The following SRGAP2 variants were observed in gnomAD, a reference collection of about 807,000 sequenced individuals.
SRGAP2 encodes SLIT-ROBO Rho GTPase activating protein 2.
Under a neutral mutation model 57.2 loss-of-function variants are expected in SRGAP2, and 15 were observed. That is an observed-to-expected ratio of 0.26 (90% CI 0.18 to 0.40). The LOEUF (loss-of-function observed/expected upper bound fraction) is 0.40. Ranked by LOEUF, SRGAP2 falls within the 10% of genes least tolerant of loss-of-function variation. SRGAP2 has a pLI of 1.00. For synonymous variants in SRGAP2, 249 were observed against 248.0 expected, an observed-to-expected ratio of 1.00 and a Z score of -0.04; for missense variants, 520 against 669.6, an observed-to-expected ratio of 0.78 and a Z score of 2.47.
intron 5 of SRGAP2, among the ~76,000 whole-genome samples, chr1:206,387,125 C>CAAAAAAAAAA (rs782327960): frequency 1.2e-5 from 1 of 83,544 alleles, no homozygotes; most frequent in Non-Finnish European, 2.4e-5. Context: ...GACTCTGTCT[C>CAAAAAAAAAA]AAAAAAAAAA....
chr1:206,334,684 T>C (rs1444602517), intron 3 of SRGAP2, among the ~76,000 whole-genome samples: 2 of 152,200 alleles, frequency 1.3e-5, no homozygotes. Context: ...AGGGGGTGGT[T>C]ACTGCTTTGA....
chr1:206,305,216 A>G (rs1219425626), intron 3 of SRGAP2, among the ~76,000 whole-genome samples: 3 of 130,488 alleles, frequency 2.3e-5, no homozygotes, highest in African/African-American at 1.0e-4. Context: ...CATTTGGGAA[A>G]TGCTGTTCCA....
At chr1:206,340,234 T>C (rs797025067) in intron 3 of SRGAP2, among the ~76,000 whole-genome samples, 35 of 133,728 alleles carry the variant, frequency 2.6e-4, no homozygotes, top group South Asian at 5.0e-4. Context: ...TGCATCCTTT[T>C]CCATGGTGTT....
chr1:206,242,397 G>GT (rs1432796496), intron 2 of SRGAP2, among the ~76,000 whole-genome samples: 1 of 150,420 alleles, frequency 6.6e-6, no homozygotes, highest in Non-Finnish European at 1.5e-5. Flanking sequence ...ATAAAGTGTA[G>GT]TCTCCCCCCG....
At chr1:206,268,001 GT>G (rs1381464151) in intron 2 of SRGAP2, among the ~76,000 whole-genome samples, 4 of 147,572 alleles carry the variant, frequency 2.7e-5, no homozygotes, top group Non-Finnish European at 4.5e-5. Flanking sequence ...TAAAATGAAG[GT>G]GACAAGTTCT....
chr1:206,372,989 CTTTCTTT>C (rs1654801663), intron 4 of SRGAP2, among the ~76,000 whole-genome samples: 2 of 91,364 alleles, frequency 2.2e-5, no homozygotes, highest in African/African-American at 9.1e-5. Flanking sequence ...TTCTTTCTTT[CTTTCTTT>C]CTTTCTTTCT....
At chr1:206,418,400 C>T (rs1042536187) in intron 11 of SRGAP2, among the ~76,000 whole-genome samples, 5 of 152,180 alleles carry the variant, frequency 3.3e-5, no homozygotes, top group African/African-American at 9.7e-5. Flanking sequence ...AAGAAAATGC[C>T]CTGCCCTCCC....
intron 17 of SRGAP2, among the ~76,000 whole-genome samples, chr1:206,443,968 T>C (rs546419170): frequency 6.6e-6 from 1 of 152,158 alleles, no homozygotes; most frequent in African/African-American, 2.4e-5. Context: ...GGCGGGTGGA[T>C]CACCTGAGGT....
intron 3 of SRGAP2, among the ~76,000 whole-genome samples, chr1:206,335,899 A>G (rs1329124610): frequency 1.3e-5 from 2 of 151,978 alleles, no homozygotes; most frequent in African/African-American, 4.8e-5. Flanking sequence ...TGATGGAGAC[A>G]TTTCCAGTTA....
Position 206,352,806 on chromosome 1 carries a change from A to G in SRGAP2, c.423+9798A>G, listed in dbSNP as rs565577678. On this transcript the variant is annotated intron_variant, in intron 4 of 22. Transcript: ENST00000573034. ...ATTGCTTACTTGTATGTAATATATC[A>G]TCTTTTTGTTTGTTTGTTTGTTTGT... Among the ~76,000 whole-genome samples, 374 of 151,358 alleles carry G rather than the reference A, an allele frequency of 2.5e-3. 3 individuals are homozygous for G. Among genetic ancestry groups the G allele is most frequent in the African/African-American group, 8.3e-3 (340 of 40,746 alleles).
At chr1:206,303,869 GTC>G (rs1280432631) in intron 3 of SRGAP2, among the ~76,000 whole-genome samples, 7,206 of 133,338 alleles carry the variant, frequency 0.054, 101 homozygotes, top group Non-Finnish European at 0.075. Context: ...CTTAATCTCT[GTC>G]TCTCTCTCTC....
intron 2 of SRGAP2, among the ~76,000 whole-genome samples, chr1:206,289,264 A>G (rs1447554911): frequency 1.4e-5 from 2 of 142,660 alleles, no homozygotes; most frequent in East Asian, 2.0e-4. Flanking sequence ...TATTTAAGAG[A>G]TAAGGAGGTT....
chr1:206,289,608 G>GT (rs1266864421), intron 2 of SRGAP2, among the ~76,000 whole-genome samples: 5 of 146,350 alleles, frequency 3.4e-5, no homozygotes, highest in Non-Finnish European at 7.5e-5. Context: ...GTTTTGTTTT[G>GT]TTTTTTTAAA....
chr1:206,285,449 T>G (rs1420059396), intron 2 of SRGAP2, among the ~76,000 whole-genome samples: 8 of 151,970 alleles, frequency 5.3e-5, no homozygotes, highest in Admixed American at 6.6e-5. Context: ...GGGAGGCAGA[T>G]TGTGCCACTT....
At chr1:206,411,408 C>T (rs940117707) in intron 10 of SRGAP2, among the ~76,000 whole-genome samples, 8 of 152,306 alleles carry the variant, frequency 5.3e-5, no homozygotes, top group South Asian at 2.1e-4. Flanking sequence ...CCTTGGTAAA[C>T]GTGTGCTAGT....
chr1:206,378,637 A>G (rs1299759742), intron 4 of SRGAP2, among the ~76,000 whole-genome samples: 1 of 152,198 alleles, frequency 6.6e-6, no homozygotes, highest in Non-Finnish European at 1.5e-5. Context: ...AAATGCACCA[A>G]TCAGCACTCT....
intron 2 of SRGAP2, among the ~76,000 whole-genome samples, chr1:206,255,245 T>A (rs1182887134): frequency 6.6e-6 from 1 of 151,208 alleles, no homozygotes; most frequent in African/African-American, 2.4e-5. Context: ...TATTGGCCTG[T>A]CTCGTCAGGT....
intron 2 of SRGAP2, among the ~76,000 whole-genome samples, chr1:206,253,106 G>A (rs1237003418): frequency 6.9e-6 from 1 of 144,420 alleles, no homozygotes; most frequent in Admixed American, 6.9e-5. Context: ...GGCTGTTCTG[G>A]GGCTGCTCTG....
At chr1:206,385,855 G>C (rs1405808225) in intron 5 of SRGAP2, among the ~76,000 whole-genome samples, 4 of 152,120 alleles carry the variant, frequency 2.6e-5, no homozygotes, top group Non-Finnish European at 4.4e-5. Context: ...TCCCATTGAT[G>C]TTCAAACTGA....
Sources: allele counts gnomAD v4.1 joint callset (sites outside exome capture counted in the v4.1 genomes callset), GRCh38; gene constraint gnomAD v4.1.1; transcripts MANE v1.5; gene names NCBI Gene and HGNC (gene_info 2026-07-23, HGNC 2026-07-21).